BEND7: variants seen among roughly 807,000 people sequenced by gnomAD.
BEND7 encodes the protein BEN domain-containing protein 7.
A neutral mutation model predicts 50.9 loss-of-function variants in BEND7; 28 were observed. That is an observed-to-expected ratio of 0.55 (90% CI 0.41 to 0.75). The LOEUF (loss-of-function observed/expected upper bound fraction) is 0.75, where lower values mean the gene tolerates loss of function less well. Ranked by LOEUF, BEND7 falls within the 30% of genes least tolerant of loss-of-function variation. The pLI, the probability that BEND7 is intolerant of heterozygous loss-of-function variation, is 0.00. For missense variants in BEND7, 477 were observed against 491.3 expected (o/e 0.97, Z 0.28); for synonymous variants, 170 against 183.9 (o/e 0.92, Z 0.61).
chr10:13,470,034 T>A (rs1416994358), intron 6 of BEND7, among the ~76,000 whole-genome samples: 1 of 152,220 alleles, frequency 6.6e-6, no homozygotes, highest in Non-Finnish European at 1.5e-5. Context: ...GAATGCAATC[T>A]GACTGACTCT....
At chr10:13,473,854 C>G (rs1284210735) in intron 6 of BEND7, among the ~76,000 whole-genome samples, 2 of 151,434 alleles carry the variant, frequency 1.3e-5, no homozygotes, top group Non-Finnish European at 2.9e-5. Context: ...TGATACCCAT[C>G]ATCGCTGTTA....
At chr10:13,528,371 G>A (rs1205122966) in intron 1 of BEND7, 102 bp downstream of exon 1, 1 of 436,052 alleles carries the variant, frequency 2.3e-6, no homozygotes, top group African/African-American at 2.2e-5. Flanking sequence ...GACCGGGAAG[G>A]ACCGGGGGCT....
intron 2 of BEND7, chr10:13,500,837 G>C (rs1180718965): frequency 3.0e-6 from 3 of 985,370 alleles, no homozygotes; most frequent in Non-Finnish European, 3.6e-6. Context: ...ACCAGCACTG[G>C]AAGGGCGGAA....
chr10:13,469,669 G>A (rs1212775590), intron 6 of BEND7, among the ~76,000 whole-genome samples: 1 of 152,098 alleles, frequency 6.6e-6, no homozygotes, highest in Non-Finnish European at 1.5e-5. Context: ...TAGAGACGGA[G>A]TTTCACCATG....
intron 6 of BEND7, among the ~76,000 whole-genome samples, chr10:13,469,324 A>G (rs897701066): frequency 2.0e-5 from 3 of 150,600 alleles, no homozygotes; most frequent in African/African-American, 7.4e-5. Context: ...GGGAGCAGTC[A>G]GTGGGAAGAC....
chr10:13,454,471 T>C (rs1838486988), intron 6 of BEND7, among the ~76,000 whole-genome samples: 1 of 151,984 alleles, frequency 6.6e-6, no homozygotes, highest in Admixed American at 6.6e-5. Context: ...AGTCAATCAG[T>C]AATCCGGGAG....
At position 13,476,792 on chromosome 10, in the gene BEND7, T is replaced by A. The variant is rs1342009466; in HGVS notation, c.1063+4107A>T. 5.3e-5 allele frequency among the ~76,000 whole-genome samples: 8 copies of A among 152,184 alleles called. 1 individual carries two copies. The highest frequency in any genetic ancestry group is 1.5e-5 in the Non-Finnish European group (1 of 68,028). On this transcript the variant is annotated intron_variant, in intron 6 of 8. Coordinates refer to ENST00000466271, the MANE Select transcript of BEND7 (RefSeq NM_001369863.1). ...ATCAAATCCAAGACACTAAGCTTTA[T>A]CCCCAGCACTAAAGCCTAAGACTCT...
At chr10:13,467,185 G>A (rs2074338736) in intron 6 of BEND7, among the ~76,000 whole-genome samples, 1 of 152,122 alleles carries the variant, frequency 6.6e-6, no homozygotes, top group South Asian at 2.1e-4. Flanking sequence ...GAAAATTTGG[G>A]GTTCACATTC....
At chr10:13,529,229 C>T (rs1485167693), upstream of BEND7, among the ~76,000 whole-genome samples, 3 of 147,368 alleles carry the variant, frequency 2.0e-5, no homozygotes, top group Non-Finnish European at 4.5e-5. Context: ...TGCCTGCCCC[C>T]GGGGACGACG....
chr10:13,472,036 C>T (rs940843520), intron 6 of BEND7, among the ~76,000 whole-genome samples: 1 of 151,722 alleles, frequency 6.6e-6, no homozygotes, highest in Non-Finnish European at 1.5e-5. Flanking sequence ...GGGGTCGATA[C>T]CCGTCATCAC....
chr10:13,512,399 T>A (rs962226128), intron 2 of BEND7, among the ~76,000 whole-genome samples: 11 of 152,162 alleles, frequency 7.2e-5, no homozygotes, highest in African/African-American at 2.7e-4. Context: ...AGCAAAAGTC[T>A]CCAAAGGCTG....
At chr10:13,509,742 A>T (rs1313978272) in intron 2 of BEND7, among the ~76,000 whole-genome samples, 1 of 152,172 alleles carries the variant, frequency 6.6e-6, no homozygotes, top group Non-Finnish European at 1.5e-5. Context: ...GAGAGAAGTG[A>T]AGTGGGCAAT....
rs139297820 is a variant in BEND7 at position 13,492,717 on chromosome 10, G to A, written c.731C>T (p.Ser244Leu). 4.3e-6 allele frequency: 7 copies of A among 1,614,174 alleles called. No homozygotes were observed. Among genetic ancestry groups the A allele is most frequent in the Admixed American group, 1.7e-5 (1 of 60,010 alleles). The change falls in exon 5 of 9, where the codon TCG (serine) becomes TTG (leucine). Residue 244 changes from serine (S) to leucine (L), a missense_variant. By Grantham distance (145) the Ser-to-Leu change is moderately radical. Around this residue, in one of 3 missense-constraint regions of BEND7, gnomAD observed 396 missense variants for 384.2 expected, o/e 1.03. Coordinates refer to ENST00000466271, the MANE Select transcript of BEND7 (RefSeq NM_001369863.1). ...KPSGSEMEKK[S>L]VVASELSALQ... ...AGCAGATAGCTCAGAGGCCACCACC[G>A]ACTTTTTCTCCATCTCTGACCCACT...
chr10:13,484,147 G>A (rs144884290), intron 5 of BEND7, among the ~76,000 whole-genome samples: 2,610 of 152,264 alleles, frequency 0.017, 33 homozygotes, highest in Non-Finnish European at 0.028. Context: ...TGGTGGCAGC[G>A]GCAGCCGGGG....
At chr10:13,497,060 C>A in intron 3 of BEND7, 172 bp from the exon 4 acceptor site, 1 of 774,138 alleles carries the variant, frequency 1.3e-6, no homozygotes, top group East Asian at 3.0e-5. Flanking sequence ...CAACCTAAAT[C>A]TGGGGGTCTG....
intron 3 of BEND7, among the ~76,000 whole-genome samples, chr10:13,498,157 C>G (rs916968846): frequency 1.3e-5 from 2 of 150,146 alleles, no homozygotes; most frequent in African/African-American, 4.9e-5. Flanking sequence ...TTCACTGCAA[C>G]CCCTGCCTCC....
intron 4 of BEND7, among the ~76,000 whole-genome samples, chr10:13,494,073 C>A (rs11258418): frequency 0.31 from 46,773 of 152,162 alleles, 9,079 homozygotes; most frequent in East Asian, 0.66. Flanking sequence ...ATTAGTCTAG[C>A]TCAATGGTTC....
At position 13,492,659 on chromosome 10, in the gene BEND7, C is replaced by T. The variant is rs1466479792; in HGVS notation, c.789G>A (p.Glu263=). 2.5e-6 allele frequency: 4 copies of T among 1,613,884 alleles called. No homozygotes were observed. Among genetic ancestry groups the T allele is most frequent in the South Asian group, 2.2e-5 (2 of 91,044 alleles). ...CAATGCCGAATCCTAGAACGCGGCT[C>T]TCCTCCGGGGAGGTGTGCTCGGCTG... ...LQAAEHTSPE[E]SRVLGFGIVL... is the part of the protein sequence containing the mutation. Residue 263 remains glutamate (E), a synonymous_variant, in exon 5 of 9, where the codon GAG becomes GAA. Coordinates refer to ENST00000466271, the MANE Select transcript of BEND7 (RefSeq NM_001369863.1).
At chr10:13,497,386 G>A (rs1396476332) in intron 3 of BEND7, among the ~76,000 whole-genome samples, 2 of 152,212 alleles carry the variant, frequency 1.3e-5, no homozygotes, top group African/African-American at 4.8e-5. Flanking sequence ...AAAGAACTGT[G>A]CACACATGAA....
Sources: gnomAD v4.1 joint callset for allele counts (sites outside exome capture counted in the v4.1 genomes callset) on GRCh38, gnomAD v4.1.1 for gene constraint, gnomAD v4.1.1 regional missense constraint, MANE v1.5 for transcripts, NCBI Gene and HGNC (gene_info 2026-07-23, HGNC 2026-07-21) for gene names.